LRRC49: variants seen among roughly 807,000 people sequenced by gnomAD.
The protein encoded by LRRC49 is leucine-rich repeat-containing protein 49.
In LRRC49, 50 loss-of-function variants were observed where a neutral mutation model predicts 83.3. The observed-to-expected ratio is 0.60, with a 90% CI of 0.48 to 0.76. The LOEUF (loss-of-function observed/expected upper bound fraction) is 0.76, where lower values mean the gene tolerates loss of function less well. LRRC49 is among the 30% of genes least tolerant of loss of function. The probability of loss-of-function intolerance (pLI) is 0.00; values close to 1 mark genes in which losing one functional copy is unlikely to be tolerated. For missense variants in LRRC49, 704 were observed against 809.1 expected, an observed-to-expected ratio of 0.87 and a Z score of 1.58; for synonymous variants, 286 against 283.3, an observed-to-expected ratio of 1.01 and a Z score of -0.10.
intron 7 of LRRC49, among the ~76,000 whole-genome samples, chr15:70,925,683 C>T (rs1020298687): frequency 6.6e-6 from 1 of 152,118 alleles, no homozygotes; most frequent in African/African-American, 2.4e-5. Flanking sequence ...ATGGAACACA[C>T]TTTTAGGATA....
rs747087856 is a variant in LRRC49, at chr15:70,984,270, A to AT, written c.1169+19dup. On this transcript the variant is annotated intron_variant, in intron 11 of 15. Coordinates refer to ENST00000260382, the MANE Select transcript of LRRC49 (RefSeq NM_017691.5). Reference sequence around the variant, plus strand: ...CAGAGGAAACAGGGTATGCAATGGTATTTTTTCAAGATACAAGCATCTTTG... The same window carrying AT: ...CAGAGGAAACAGGGTATGCAATGGTATTTTTTTCAAGATACAAGCATCTTTG... 3.8e-6 allele frequency: 6 copies of AT among 1,583,738 alleles called. No homozygotes were observed. Among genetic ancestry groups the AT allele is most frequent in the South Asian group, 1.2e-5 (1 of 84,524 alleles).
Position 70,895,886 on chromosome 15 carries a change from C to T in LRRC49, c.143C>T (p.Pro48Leu), listed in dbSNP as rs1220312500. 2 of 1,611,294 alleles carry T rather than the reference C, an allele frequency of 1.2e-6. No individual in the cohort carries two copies. Among genetic ancestry groups the T allele is most frequent in the Non-Finnish European group, 8.5e-7 (1 of 1,178,698 alleles). Residue 48 changes from proline to leucine, a missense_variant, in exon 3 of 16, where the codon CCC becomes CTC. Coordinates refer to ENST00000260382, the MANE Select transcript of LRRC49 (RefSeq NM_017691.5). ...FKLNKDTSSFPGRLLQHDLER... is the reference protein window; with the variant it reads ...FKLNKDTSSFLGRLLQHDLER... Reference sequence around the variant, plus strand: ...CTAAATAAAGACACATCGTCATTCCCCGGTAGACTTTTACAACATGACCTT... The same window carrying T: ...CTAAATAAAGACACATCGTCATTCCTCGGTAGACTTTTACAACATGACCTT...
At chr15:70,869,143 G>GAA (rs2032974674) in intron 1 of LRRC49, among the ~76,000 whole-genome samples, 1 of 152,100 alleles carries the variant, frequency 6.6e-6, no homozygotes, top group Non-Finnish European at 1.5e-5. Context: ...GTTTATGATA[G>GAA]ATTATTATAA....
At chr15:71,045,840 G>C (rs1025866349) in intron 15 of LRRC49, among the ~76,000 whole-genome samples, 1 of 152,074 alleles carries the variant, frequency 6.6e-6, no homozygotes, top group African/African-American at 2.4e-5. Flanking sequence ...TAGTTGTTTA[G>C]CCCACACCCC....
chr15:70,962,424 A>G (rs981789464), intron 8 of LRRC49, among the ~76,000 whole-genome samples: 3 of 152,172 alleles, frequency 2.0e-5, no homozygotes, highest in Non-Finnish European at 1.5e-5. Context: ...GAGAGGGACT[A>G]AAGGAAATGA....
intron 14 of LRRC49, among the ~76,000 whole-genome samples, chr15:71,022,059 A>G (rs2039011658): frequency 1.3e-5 from 2 of 152,160 alleles, no homozygotes; most frequent in African/African-American, 4.8e-5. Context: ...AAATGCAAAT[A>G]TATTAATTGT....
intron 9 of LRRC49, among the ~76,000 whole-genome samples, chr15:70,972,918 A>T (rs913804141): frequency 1.3e-5 from 2 of 152,136 alleles, no homozygotes; most frequent in East Asian, 1.9e-4. Flanking sequence ...GCTTCATTCC[A>T]TTGGGTTAGA....
chr15:70,889,408 G>A (rs962509163), upstream of LRRC49, among the ~76,000 whole-genome samples: 8 of 152,064 alleles, frequency 5.3e-5, no homozygotes, highest in South Asian at 2.1e-4. Flanking sequence ...AGAGGGGAGG[G>A]GCTGGATATG....
intron 15 of LRRC49, among the ~76,000 whole-genome samples, chr15:71,037,981 A>G (rs544408660): frequency 3.9e-5 from 6 of 152,266 alleles, no homozygotes; most frequent in African/African-American, 1.2e-4. Context: ...TGGAGCTCAT[A>G]GGAAAGCTGA....
At chr15:70,858,898 G>T in intron 1 of LRRC49, 2 of 764,268 alleles carry the variant, frequency 2.6e-6, no homozygotes, top group South Asian at 2.9e-5. Flanking sequence ...GGTATGGGAG[G>T]CATCACCGCT....
intron 11 of LRRC49, among the ~76,000 whole-genome samples, chr15:70,989,398 G>C (rs1404385551): frequency 1.3e-5 from 2 of 151,852 alleles, no homozygotes; most frequent in South Asian, 2.1e-4. Flanking sequence ...TTCCATCACT[G>C]ATATCCTTTC....
chr15:71,048,088 T>C (rs2141315381), intron 15 of LRRC49, among the ~76,000 whole-genome samples: 1 of 147,906 alleles, frequency 6.8e-6, no homozygotes, highest in African/African-American at 2.5e-5. Flanking sequence ...ATTTTTTTTT[T>C]TTTTTTTTTT....
intron 7 of LRRC49, among the ~76,000 whole-genome samples, chr15:70,923,893 T>C (rs2035096735): frequency 6.6e-6 from 1 of 151,944 alleles, no homozygotes; most frequent in Non-Finnish European, 1.5e-5. Context: ...CTTCGGTATG[T>C]ATTTCCTAAA....
intron 8 of LRRC49, among the ~76,000 whole-genome samples, chr15:70,959,711 A>T (rs1224764702): frequency 6.6e-6 from 1 of 152,166 alleles, no homozygotes; most frequent in Non-Finnish European, 1.5e-5. Flanking sequence ...TCAAAATCCC[A>T]TAGGTTATTT....
intron 14 of LRRC49, among the ~76,000 whole-genome samples, chr15:71,032,357 A>G (rs1166693294): frequency 6.6e-6 from 1 of 151,812 alleles, no homozygotes; most frequent in Non-Finnish European, 1.5e-5. Context: ...TCAGTTGGAA[A>G]TGCAGAAATC....
intron 9 of LRRC49, among the ~76,000 whole-genome samples, chr15:70,968,680 T>G (rs1027802098): frequency 1.3e-5 from 2 of 152,164 alleles, no homozygotes; most frequent in African/African-American, 4.8e-5. Flanking sequence ...CCATTCTAAA[T>G]GGCATGATTT....
upstream of LRRC49, chr15:70,892,214 A>G: frequency 1.2e-6 from 2 of 1,601,058 alleles, no homozygotes; most frequent in Non-Finnish European, 1.7e-6. Context: ...AAAGCGGAAC[A>G]GCGACTTCCC....
intron 2 of LRRC49, chr15:70,882,659 G>A: frequency 1.2e-6 from 2 of 1,613,116 alleles, no homozygotes; most frequent in Middle Eastern, 1.7e-4. Context: ...ACCTGAAAGA[G>A]AATAAGCATA....
At chr15:70,974,602 A>G (rs922042259) in intron 9 of LRRC49, among the ~76,000 whole-genome samples, 1 of 152,152 alleles carries the variant, frequency 6.6e-6, no homozygotes, top group Non-Finnish European at 1.5e-5. Context: ...ATCCAAAAGT[A>G]TCTCCATAGT....
Sources: gnomAD v4.1 joint callset for allele counts (sites outside exome capture counted in the v4.1 genomes callset) on GRCh38, gnomAD v4.1.1 for gene constraint, MANE v1.5 for transcripts, NCBI Gene and HGNC (gene_info 2026-07-23, HGNC 2026-07-21) for gene names.